The following SLC1A2 variants were observed in gnomAD, a reference collection of about 807,000 sequenced individuals.
SLC1A2 encodes the protein solute carrier family 1 member 2, also known as excitatory amino acid transporter 2.
A neutral mutation model predicts 48.8 loss-of-function variants in SLC1A2; 15 were observed. The observed-to-expected ratio is 0.31, with a 90% confidence interval of 0.21 to 0.47. The LOEUF is 0.47. SLC1A2 is among the 20% of genes least tolerant of loss of function. The probability of loss-of-function intolerance (pLI) is 0.99; values close to 1 mark genes in which losing one functional copy is unlikely to be tolerated. For missense variants in SLC1A2, 502 were observed against 730.5 expected (o/e 0.69, Z 3.61); for synonymous variants, 279 against 272.6 (o/e 1.02, Z -0.23).
At chr11:35,277,754 G>A (rs1850487804) in intron 9 of SLC1A2, among the ~76,000 whole-genome samples, 1 of 148,416 alleles carries the variant, frequency 6.7e-6, no homozygotes. Context: ...AACTTAAATG[G>A]CTTCCTTCGT....
chr11:35,309,882 A>G (rs772133224), intron 4 of SLC1A2, among the ~76,000 whole-genome samples: 20 of 152,146 alleles, frequency 1.3e-4, no homozygotes, highest in Non-Finnish European at 2.6e-4. Context: ...ATCCAAAGGG[A>G]CCTTGATACT....
In SLC1A2 at chr11:35,265,699, T is replaced by G; in HGVS notation, c.1481A>C (p.Tyr494Ser). Residue 494 changes from tyrosine (Y) to serine (S), a missense_variant, in exon 10 of 11, where the codon TAT (tyrosine) becomes TCT (serine). Tyr to Ser is a moderately radical substitution (Grantham distance 144, BLOSUM62 -2). Transcript: ENST00000278379. ...ATCCAGCTCAGACTTGGAGAGGTGA[T>G]AGACTATCCCAGCCCCAAAAGAGTC... is the stretch of plus-strand genomic sequence containing the variant. ...VGDSFGAGIV[Y>S]HLSKSELDTI... is the part of the protein sequence containing the mutation. 1 of 1,614,124 alleles carries G rather than the reference T, an allele frequency of 6.2e-7. No individual in the cohort carries two copies. The highest frequency in any genetic ancestry group is 8.5e-7 in the Non-Finnish European group (1 of 1,179,958).
intron 1 of SLC1A2, among the ~76,000 whole-genome samples, chr11:35,318,553 A>G (rs1394344654): frequency 1.3e-5 from 2 of 152,194 alleles, no homozygotes; most frequent in Non-Finnish European, 2.9e-5. Flanking sequence ...CATAGACTGG[A>G]GAAAACTTCC....
chr11:35,359,298 A>T (rs1235772832), intron 1 of SLC1A2, among the ~76,000 whole-genome samples: 1 of 152,222 alleles, frequency 6.6e-6, no homozygotes, highest in Non-Finnish European at 1.5e-5. Context: ...TTCATTAAGG[A>T]CTGCGTCACA....
Position 35,259,536 on chromosome 11 carries a change from C to A in SLC1A2, c.*1358G>T, listed in dbSNP as rs183713277. ...CTACTGCATGCAAGGCACTGTGCTACACCAATTATATTATTTATTCCTTAA... is the reference window on the plus strand; with the variant it reads ...CTACTGCATGCAAGGCACTGTGCTAAACCAATTATATTATTTATTCCTTAA... On this transcript the variant is annotated 3_prime_UTR_variant, in exon 11 of 11. Transcript: ENST00000278379. 1 of 152,514 alleles carries A rather than the reference C, an allele frequency of 6.6e-6. No homozygotes were observed. Among genetic ancestry groups the A allele is most frequent in the Admixed American group, 6.5e-5 (1 of 15,306 alleles). The allele number at this position is 152,514 out of a possible 1,614,324, so 9.4% of individuals were successfully genotyped here. A position where few individuals can be genotyped will look rare whatever the true frequency, so the allele number is the denominator to read the frequency against.
intron 1 of SLC1A2, among the ~76,000 whole-genome samples, chr11:35,362,541 T>C (rs1336070464): frequency 1.3e-5 from 2 of 152,188 alleles, no homozygotes; most frequent in African/African-American, 4.8e-5. Flanking sequence ...ATACAACAGA[T>C]GATAATAATA....
intron 9 of SLC1A2, among the ~76,000 whole-genome samples, chr11:35,266,430 T>C (rs929640309): frequency 5.9e-5 from 9 of 152,172 alleles, no homozygotes; most frequent in African/African-American, 2.2e-4. Context: ...CTTGCTCTAT[T>C]AACCTAAAAA....
chr11:35,375,561 C>T (rs975394712), intron 1 of SLC1A2, among the ~76,000 whole-genome samples: 32 of 152,182 alleles, frequency 2.1e-4, no homozygotes, highest in Admixed American at 2.1e-3. Context: ...ATGGAACCCC[C>T]GTGTGGTAGT....
intron 4 of SLC1A2, among the ~76,000 whole-genome samples, chr11:35,306,555 G>T (rs1478722287): frequency 6.6e-6 from 1 of 152,124 alleles, no homozygotes; most frequent in African/African-American, 2.4e-5. Context: ...GGGCATTTAA[G>T]GTGTCTAACA....
intron 4 of SLC1A2, among the ~76,000 whole-genome samples, chr11:35,311,120 T>C (rs948029839): frequency 6.6e-6 from 1 of 152,218 alleles, no homozygotes; most frequent in Non-Finnish European, 1.5e-5. Flanking sequence ...GATGTAACGT[T>C]TTATGAACAA....
At chr11:35,366,057 C>T (rs1190955588) in intron 1 of SLC1A2, among the ~76,000 whole-genome samples, 3 of 152,184 alleles carry the variant, frequency 2.0e-5, no homozygotes, top group Non-Finnish European at 2.9e-5. Context: ...GGTCAAAACA[C>T]CCTGGTCTGG....
intron 1 of SLC1A2, among the ~76,000 whole-genome samples, chr11:35,318,529 C>G (rs1455630584): frequency 1.3e-5 from 2 of 152,172 alleles, no homozygotes; most frequent in East Asian, 3.9e-4. Flanking sequence ...GTTGCATTAT[C>G]CAGATAGTCT....
intron 1 of SLC1A2, among the ~76,000 whole-genome samples, chr11:35,324,315 A>G (rs1428423054): frequency 6.6e-6 from 1 of 152,250 alleles, no homozygotes; most frequent in Non-Finnish European, 1.5e-5. Flanking sequence ...AGTAACTGTC[A>G]GAAGACAAGT....
At chr11:35,400,292 G>T (rs770715054) in intron 1 of SLC1A2, among the ~76,000 whole-genome samples, 7 of 152,016 alleles carry the variant, frequency 4.6e-5, no homozygotes, top group Non-Finnish European at 1.0e-4. Context: ...TAAAAGTCAT[G>T]GTACCTCCAA....
chr11:35,303,842 A>G (rs1336382887), intron 5 of SLC1A2, among the ~76,000 whole-genome samples: 2 of 152,174 alleles, frequency 1.3e-5, no homozygotes, highest in Non-Finnish European at 1.5e-5. Context: ...CTGGGGTTGT[A>G]TCTTCACTTA....
At chr11:35,312,596 G>T in intron 3 of SLC1A2, 148 bp from the exon 4 acceptor site, 1 of 977,956 alleles carries the variant, frequency 1.0e-6, no homozygotes, top group Non-Finnish European at 1.5e-6. Flanking sequence ...CAATATCCAT[G>T]AGAGGGTTGG....
rs556821679 is a variant in SLC1A2 at position 35,301,384 on chromosome 11, C to T, written c.857+135G>A. 1.0e-5 allele frequency: 8 copies of T among 763,114 alleles called. No individual in the cohort carries two copies. In the South Asian group the frequency reaches 1.6e-4, roughly 15 times the overall value. 47.3% of individuals were successfully genotyped at this position (763,114 alleles called of 1,614,324 possible). A position where few individuals can be genotyped will look rare whatever the true frequency, so the allele number is the denominator to read the frequency against. On this transcript the variant is annotated intron_variant, in intron 6 of 10. Coordinates refer to ENST00000278379, the MANE Select transcript of SLC1A2 (RefSeq NM_004171.4). ...AGCTCCAAAAAAGATATTTTCATCC[C>T]TTTCTCAAAGTCTTTCTGGAAAGAC...
At chr11:35,310,387 T>C (rs572714520) in intron 4 of SLC1A2, among the ~76,000 whole-genome samples, 100 of 152,326 alleles carry the variant, frequency 6.6e-4, no homozygotes, top group African/African-American at 2.3e-3. Context: ...GCAAACACGC[T>C]ATACAGATGG....
At chr11:35,325,152 C>T (rs897366683) in intron 1 of SLC1A2, among the ~76,000 whole-genome samples, 3 of 152,194 alleles carry the variant, frequency 2.0e-5, no homozygotes, top group Admixed American at 1.3e-4. Flanking sequence ...GGCAACTTGG[C>T]CCCTTTCCAG....
Sources: gnomAD v4.1 joint callset for allele counts (sites outside exome capture counted in the v4.1 genomes callset) on GRCh38, gnomAD v4.1.1 for gene constraint, MANE v1.5 for transcripts, NCBI Gene and HGNC (gene_info 2026-07-23, HGNC 2026-07-21) for gene names.